ZNF423: variants seen among roughly 807,000 people sequenced by gnomAD.
The protein encoded by ZNF423 is Ebf-associated zinc finger protein.
A neutral mutation model predicts 95.8 loss-of-function variants in ZNF423; 12 were observed. The ratio of observed to expected loss-of-function variants is 0.13; its 90% CI spans 0.08 to 0.20. ZNF423 has a LOEUF of 0.20. Among genes scored for constraint, ZNF423 ranks in the 10% least tolerant of loss-of-function variants. ZNF423 has a pLI of 1.00. For missense variants in ZNF423, 1,316 were observed against 1,737.1 expected (o/e 0.76, Z 4.31); for synonymous variants, 749 against 711.9 (o/e 1.05, Z -0.83).
intron 5 of ZNF423, among the ~76,000 whole-genome samples, chr16:49,575,894 C>A (rs1970483454): frequency 6.6e-6 from 1 of 152,122 alleles, no homozygotes; most frequent in South Asian, 2.1e-4. Context: ...GCACGGGCTG[C>A]CCTCCAGGGT....
intron 3 of ZNF423, among the ~76,000 whole-genome samples, chr16:49,725,290 G>A (rs1254267243): frequency 6.6e-6 from 1 of 152,162 alleles, no homozygotes; most frequent in Admixed American, 6.5e-5. Flanking sequence ...GCTGAGGCGG[G>A]AGGATCGCTT....
chr16:49,721,838 C>G (rs1481029248), intron 3 of ZNF423, among the ~76,000 whole-genome samples: 1 of 152,162 alleles, frequency 6.6e-6, no homozygotes, highest in Admixed American at 6.5e-5. Flanking sequence ...ACGGTCTATG[C>G]CTTTTTTCCC....
At chr16:49,532,680 GC>G (rs1170842480) in intron 5 of ZNF423, among the ~76,000 whole-genome samples, 1 of 152,104 alleles carries the variant, frequency 6.6e-6, no homozygotes, top group Non-Finnish European at 1.5e-5. Flanking sequence ...TCCGAGGGTT[GC>G]CTGAGGTCAG....
chr16:49,724,910 C>T (rs1006144428), intron 3 of ZNF423, among the ~76,000 whole-genome samples: 10 of 152,140 alleles, frequency 6.6e-5, no homozygotes, highest in South Asian at 4.1e-4. Context: ...TCAACAAAGT[C>T]CCCCCTCTTG....
At chr16:49,572,909 CAT>C (rs1236732902) in intron 5 of ZNF423, among the ~76,000 whole-genome samples, 5 of 152,200 alleles carry the variant, frequency 3.3e-5, no homozygotes, top group Non-Finnish European at 7.3e-5. Context: ...GTGACCAACT[CAT>C]GTGACCTGGG....
intron 7 of ZNF423, chr16:49,517,655 G>A (rs1968203351): frequency 4.0e-6 from 1 of 250,802 alleles, no homozygotes; most frequent in Non-Finnish European, 7.8e-6. Flanking sequence ...AAAGCTTTAA[G>A]CCATAACAAA....
intron 7 of ZNF423, among the ~76,000 whole-genome samples, chr16:49,499,640 GC>G (rs1401869713): frequency 6.6e-6 from 1 of 152,150 alleles, no homozygotes; most frequent in Non-Finnish European, 1.5e-5. Context: ...GGAGGAGGGT[GC>G]CCCCCACTTT....
intron 5 of ZNF423, among the ~76,000 whole-genome samples, chr16:49,616,844 T>G (rs910819743): frequency 3.3e-5 from 5 of 152,152 alleles, no homozygotes; most frequent in African/African-American, 1.2e-4. Flanking sequence ...GGCCGGTTTT[T>G]CCTCTCTAAA....
chr16:49,686,927 T>A (rs760369270), intron 3 of ZNF423, among the ~76,000 whole-genome samples: 1 of 151,912 alleles, frequency 6.6e-6, no homozygotes, highest in South Asian at 2.1e-4. Flanking sequence ...CCACCTTGGA[T>A]CGCATGTTCC....
At chr16:49,700,195 C>CAAAAAAAA (rs3084468) in intron 3 of ZNF423, among the ~76,000 whole-genome samples, 2 of 96,534 alleles carry the variant, frequency 2.1e-5, no homozygotes, top group Admixed American at 1.1e-4. Flanking sequence ...CCCAGGATTT[C>CAAAAAAAA]AAAAAAAAAA....
At chr16:49,819,481 T>G (rs1306598044) in intron 1 of ZNF423, among the ~76,000 whole-genome samples, 1 of 151,710 alleles carries the variant, frequency 6.6e-6, no homozygotes, top group African/African-American at 2.4e-5. Flanking sequence ...AGAATCTCAC[T>G]CTGTCACCCA....
chr16:49,709,590 C>T (rs550991084), intron 3 of ZNF423, among the ~76,000 whole-genome samples: 46 of 152,116 alleles, frequency 3.0e-4, no homozygotes, highest in Non-Finnish European at 5.7e-4. Flanking sequence ...CCACTGCTAT[C>T]GTCTGAATGT....
At chr16:49,648,968 A>G (rs957951582) in intron 3 of ZNF423, among the ~76,000 whole-genome samples, 1 of 152,190 alleles carries the variant, frequency 6.6e-6, no homozygotes, top group African/African-American at 2.4e-5. Flanking sequence ...AATAATGGAG[A>G]AAATACCCAT....
intron 1 of ZNF423, among the ~76,000 whole-genome samples, chr16:49,832,730 G>C (rs1013802863): frequency 3.3e-5 from 5 of 152,110 alleles, no homozygotes; most frequent in Non-Finnish European, 5.9e-5. Context: ...CAGGGGCCAG[G>C]CAGGGACATC....
chr16:49,626,091 A>G lies in ZNF423; in HGVS notation c.3601+79T>C, dbSNP rs906902728. 3.6e-6 allele frequency: 5 copies of G among 1,400,190 alleles called. No individual in the cohort carries two copies. In the African/African-American group the frequency reaches 5.6e-5, roughly 16 times the overall value. The allele number at this position is 1,400,190 out of a possible 1,614,324, so 86.7% of individuals were successfully genotyped here. ...GACTCTGTCCTTTGGCCTAAAAGCC[A>G]GTAAAATGATGATTGGAACCGCAAA... On this transcript the variant is annotated intron_variant, in intron 5 of 7. Coordinates refer to ENST00000563137, the MANE Select transcript of ZNF423 (RefSeq NM_001379286.1).
intron 1 of ZNF423, among the ~76,000 whole-genome samples, chr16:49,828,437 T>C (rs906947776): frequency 7.2e-5 from 11 of 152,228 alleles, no homozygotes; most frequent in African/African-American, 2.2e-4. Flanking sequence ...GAAGTTTAAA[T>C]GAAGCATAGT....
At chr16:49,785,009 G>T (rs1418051583) in intron 2 of ZNF423, among the ~76,000 whole-genome samples, 2 of 151,824 alleles carry the variant, frequency 1.3e-5, no homozygotes, top group Non-Finnish European at 2.9e-5. Context: ...GGGGTAGGAG[G>T]GCAGGGGTGA....
At chr16:49,848,562 C>T (rs888432770) in intron 1 of ZNF423, among the ~76,000 whole-genome samples, 3 of 152,192 alleles carry the variant, frequency 2.0e-5, no homozygotes, top group Admixed American at 2.0e-4. Context: ...ACATCAGCCC[C>T]AGCACCCCCA....
At chr16:49,730,070 A>C (rs914710741) in intron 3 of ZNF423, among the ~76,000 whole-genome samples, 48 of 152,238 alleles carry the variant, frequency 3.2e-4, no homozygotes, top group African/African-American at 1.2e-3. Flanking sequence ...TCCCTGTAGC[A>C]TGGCTTCCAC....
Sources: allele counts gnomAD v4.1 joint callset (sites outside exome capture counted in the v4.1 genomes callset), GRCh38; gene constraint gnomAD v4.1.1; transcripts MANE v1.5; gene names NCBI Gene and HGNC (gene_info 2026-07-23, HGNC 2026-07-21).